Variants in SERPINI1 observed in about 807,000 individuals in gnomAD.
SERPINI1 encodes serpin family I member 1.
Under a neutral mutation model 41.1 loss-of-function variants are expected in SERPINI1, and 19 were observed. The observed-to-expected ratio is 0.46, with a 90% CI of 0.32 to 0.68. The LOEUF is 0.68. SERPINI1 is among the 30% of genes least tolerant of loss of function. The pLI, the probability that SERPINI1 is intolerant of heterozygous loss-of-function variation, is 0.03. For synonymous variants in SERPINI1, 138 were observed against 156.6 expected (o/e 0.88, Z 0.89); for missense variants, 460 against 479.2 (o/e 0.96, Z 0.37).
chr3:167,782,019 G>A (rs952067560), intron 1 of SERPINI1, among the ~76,000 whole-genome samples: 7 of 152,100 alleles, frequency 4.6e-5, no homozygotes, highest in Middle Eastern at 3.4e-3. Flanking sequence ...CAAGAATTAA[G>A]GATAGTTTAT....
chr3:167,747,068 T>G (rs1389730183), intron 1 of SERPINI1, among the ~76,000 whole-genome samples: 1 of 152,238 alleles, frequency 6.6e-6, no homozygotes, highest in Non-Finnish European at 1.5e-5. Flanking sequence ...TGTATAGCCA[T>G]CCAGTGGAAT....
At chr3:167,766,557 T>C (rs2108542986) in intron 1 of SERPINI1, among the ~76,000 whole-genome samples, 1 of 152,264 alleles carries the variant, frequency 6.6e-6, no homozygotes, top group African/African-American at 2.4e-5. Context: ...GAGGAAGGCA[T>C]GTTAAAAGCT....
intron 1 of SERPINI1, among the ~76,000 whole-genome samples, chr3:167,772,864 C>CTCTCTCTCTCTCTCTATATATATA (rs1374013676): frequency 4.1e-5 from 1 of 24,666 alleles, no homozygotes; most frequent in African/African-American, 1.9e-4. Context: ...CTCTCTCTCT[C>CTCTCTCTCTCTCTCTATATATATA]TATATATATA....
chr3:167,751,471 A>T (rs1726047453), intron 1 of SERPINI1, among the ~76,000 whole-genome samples: 1 of 152,246 alleles, frequency 6.6e-6, no homozygotes, highest in Non-Finnish European at 1.5e-5. Context: ...CAAAGATTAA[A>T]TTATTAAGCA....
At chr3:167,769,271 C>T (rs991026185) in intron 1 of SERPINI1, among the ~76,000 whole-genome samples, 4 of 152,134 alleles carry the variant, frequency 2.6e-5, no homozygotes, top group African/African-American at 9.7e-5. Flanking sequence ...GGATTACAGG[C>T]ATGAGCCACC....
intron 1 of SERPINI1, among the ~76,000 whole-genome samples, chr3:167,774,124 A>G (rs1726885743): frequency 6.6e-6 from 1 of 152,224 alleles, no homozygotes; most frequent in Non-Finnish European, 1.5e-5. Context: ...TAAAAACATC[A>G]TAATAACTCT....
chr3:167,758,411 C>T (rs1726258882), intron 1 of SERPINI1, among the ~76,000 whole-genome samples: 1 of 151,980 alleles, frequency 6.6e-6, no homozygotes, highest in South Asian at 2.1e-4. Context: ...AAAATAATTT[C>T]GATACATAAG....
chr3:167,796,154 C>T (rs1727704878), intron 5 of SERPINI1, among the ~76,000 whole-genome samples: 1 of 151,824 alleles, frequency 6.6e-6, no homozygotes, highest in African/African-American at 2.4e-5. Flanking sequence ...ATCAATGTTT[C>T]TAAAAACTTA....
chr3:167,809,245 T>C (rs73036812), intron 6 of SERPINI1, among the ~76,000 whole-genome samples: 10,330 of 152,216 alleles, frequency 0.068, 1,205 homozygotes, highest in African/African-American at 0.24. Flanking sequence ...TAATTTAACA[T>C]TGTCATTCTC....
intron 6 of SERPINI1, among the ~76,000 whole-genome samples, chr3:167,820,833 C>T (rs1712298669): frequency 6.6e-6 from 1 of 152,182 alleles, no homozygotes; most frequent in African/African-American, 2.4e-5. Context: ...TCCAGGCTGC[C>T]AGTTCTGTGG....
At chr3:167,785,102 G>C (rs536035834) in intron 1 of SERPINI1, among the ~76,000 whole-genome samples, 2 of 152,070 alleles carry the variant, frequency 1.3e-5, no homozygotes, top group Non-Finnish European at 2.9e-5. Flanking sequence ...TTAGCTGGGC[G>C]TGGTGGCATG....
At chr3:167,792,811 CTCT>C (rs1727577128) in intron 4 of SERPINI1, 27 bp downstream of exon 4, 12 of 1,548,258 alleles carry the variant, frequency 7.8e-6, no homozygotes, top group African/African-American at 1.4e-5. Flanking sequence ...TTTTATTTCT[CTCT>C]TCTTGCAGAA....
intron 2 of SERPINI1, among the ~76,000 whole-genome samples, chr3:167,790,123 T>C (rs1727450001): frequency 6.6e-6 from 1 of 152,196 alleles, no homozygotes; most frequent in Admixed American, 6.5e-5. Context: ...ACAGTCTCTA[T>C]AGATTGTAGC....
intron 1 of SERPINI1, among the ~76,000 whole-genome samples, chr3:167,752,869 A>T (rs1002788389): frequency 3.2e-4 from 48 of 151,884 alleles, no homozygotes. Flanking sequence ...ATTTATCCTC[A>T]TGTCTCAACT....
At position 167,739,336 on chromosome 3, in the gene SERPINI1, A is replaced by G. The variant is rs559799180; in HGVS notation, c.-19+3513A>G. Among the ~76,000 whole-genome samples, 34 of 152,300 alleles carry G rather than the reference A, an allele frequency of 2.2e-4. No homozygotes were observed. The South Asian group carries it at 6.4e-3, about 29-fold the overall frequency. ...TGGACAATACTTCTGTAATGCACAC[A>G]TTGAGACAGTTTGCGCTTTGATAGA... On this transcript the variant is annotated intron_variant, in intron 1 of 8. Transcript: ENST00000446050.
In SERPINI1 at chr3:167,767,883, T is replaced by C. The variant is rs117047651; in HGVS notation, c.-18-21228T>C. Among the ~76,000 whole-genome samples, 138 of 152,284 alleles carry C rather than the reference T, an allele frequency of 9.1e-4. No individual in the cohort carries two copies. In the East Asian group the frequency reaches 0.013, roughly 14 times the overall value. On this transcript the variant is annotated intron_variant, in intron 1 of 8. Transcript: ENST00000446050. Reference sequence around the variant, plus strand: ...ATTTGAAGGGATGAGGCATTGCTTCTTATGGATGAGCAAAGGAAGTGTTTT... The same window carrying C: ...ATTTGAAGGGATGAGGCATTGCTTCCTATGGATGAGCAAAGGAAGTGTTTT...
At chr3:167,801,332 CT>C (rs1347654535) in intron 5 of SERPINI1, among the ~76,000 whole-genome samples, 2 of 152,084 alleles carry the variant, frequency 1.3e-5, no homozygotes, top group African/African-American at 4.8e-5. Flanking sequence ...CATTGTATGC[CT>C]TTATTAAAAT....
chr3:167,763,379 ATG>A (rs58524967), intron 1 of SERPINI1, among the ~76,000 whole-genome samples: 7 of 136,328 alleles, frequency 5.1e-5, no homozygotes, highest in African/African-American at 8.5e-5. Flanking sequence ...GTGTGTGTGT[ATG>A]TGTGTGTGTG....
At chr3:167,760,348 A>AATATATATATATATATATATATAT (rs35053492) in intron 1 of SERPINI1, among the ~76,000 whole-genome samples, 4 of 147,450 alleles carry the variant, frequency 2.7e-5, no homozygotes, top group African/African-American at 1.0e-4. Flanking sequence ...ACTAATTTCA[A>AATATATATATATATATATATATAT]ATATATATAT....
Sources: allele counts gnomAD v4.1 joint callset (sites outside exome capture counted in the v4.1 genomes callset), GRCh38; gene constraint gnomAD v4.1.1; transcripts MANE v1.5; gene names NCBI Gene and HGNC (gene_info 2026-07-23, HGNC 2026-07-21).